ERGIC1: variants seen among roughly 807,000 people sequenced by gnomAD.
The protein encoded by ERGIC1 is endoplasmic reticulum-Golgi intermediate compartment protein 1.
Under a neutral mutation model 38.3 loss-of-function variants are expected in ERGIC1, and 19 were observed. The observed-to-expected ratio is 0.50, with a 90% confidence interval of 0.35 to 0.73. ERGIC1 has a LOEUF of 0.73. ERGIC1 is among the 30% of genes least tolerant of loss of function. The probability of loss-of-function intolerance (pLI) is 0.01; values close to 1 mark genes in which losing one functional copy is unlikely to be tolerated. For synonymous variants in ERGIC1, 124 were observed against 157.6 expected (o/e 0.79, Z 1.60); for missense variants, 294 against 389.2 (o/e 0.76, Z 2.06).
chr5:172,834,396 A>C lies in ERGIC1; in HGVS notation c.-18A>C, dbSNP rs2113491994. ...GGCCCGCCTGGCCTGCAGCGCTCCC[A>C]CCCCCGGCGGCGGCACGATGCCCTT... On this transcript the variant is annotated 5_prime_UTR_variant, in exon 1 of 10. Coordinates refer to ENST00000393784, the MANE Select transcript of ERGIC1 (RefSeq NM_001031711.3). The surrounding 1 kb of genome is among the most constrained non-coding windows in gnomAD (Gnocchi z 4.1). 1 of 1,319,986 alleles carries C rather than the reference A, an allele frequency of 7.6e-7. No individual in the cohort carries two copies. 81.8% of individuals were successfully genotyped at this position (1,319,986 alleles called of 1,614,324 possible).
At chr5:172,867,862 A>C (rs1240746253) in intron 1 of ERGIC1, among the ~76,000 whole-genome samples, 2 of 152,108 alleles carry the variant, frequency 1.3e-5, no homozygotes, top group African/African-American at 2.4e-5. Context: ...TTTTTTCTAC[A>C]TTTCAATTTG....
rs775710481 is a variant in ERGIC1, at chr5:172,950,703, T to C, written c.766-6T>C. 1 of 1,608,024 alleles carries C rather than the reference T, an allele frequency of 6.2e-7. No homozygotes were observed. The highest frequency in any genetic ancestry group is 1.1e-5 in the South Asian group (1 of 90,792). ...ACACTCCCACCCCACCCCTGCCCTC[T>C]TGCAGATCTGTGCCATCATTGGCGG... On this transcript the variant is annotated splice_region_variant and splice_polypyrimidine_tract_variant and intron_variant, in intron 9 of 9. Coordinates refer to ENST00000393784, the MANE Select transcript of ERGIC1 (RefSeq NM_001031711.3).
chr5:172,837,182 C>T lies in ERGIC1; in HGVS notation c.20+2749C>T, dbSNP rs1320325867. On this transcript the variant is annotated intron_variant, in intron 1 of 9. Transcript: ENST00000393784. This position sits in a 1 kb window ranked among gnomAD's most constrained non-coding sequence, Gnocchi z 4.3. The stretch of plus-strand genomic sequence containing the variant: ...AAGCAGGAAAAATAGTGCACTCTTG[C>T]CCTTCCCTACGGATACTTCTGATTT... Among the ~76,000 whole-genome samples, 2 of 152,152 alleles carry T rather than the reference C, an allele frequency of 1.3e-5. No homozygotes were observed. The highest frequency in any genetic ancestry group is 1.3e-4 in the Admixed American group (2 of 15,270).
chr5:172,913,226 C>G (rs1370733567), intron 4 of ERGIC1, among the ~76,000 whole-genome samples: 2 of 152,266 alleles, frequency 1.3e-5, no homozygotes, highest in Non-Finnish European at 2.9e-5. Flanking sequence ...ATTCTTTGTA[C>G]CTGCCGCACG....
intron 3 of ERGIC1, among the ~76,000 whole-genome samples, chr5:172,908,119 G>A (rs1472076295): frequency 6.6e-6 from 1 of 151,358 alleles, no homozygotes; most frequent in East Asian, 1.9e-4. Flanking sequence ...GTGTGTGGCC[G>A]TGTTACCTTG....
Position 172,834,468 on chromosome 5 carries a change from C to T in ERGIC1, c.20+35C>T, listed in dbSNP as rs765051701. ...GCGACCCCGGCCAGTCGGGAGTTCC[C>T]TCAGCGGGCAGAGGGAGCGCCCCGG... On this transcript the variant is annotated intron_variant, in intron 1 of 9. Coordinates refer to ENST00000393784, the MANE Select transcript of ERGIC1 (RefSeq NM_001031711.3). The surrounding 1 kb of genome is among the most constrained non-coding windows in gnomAD (Gnocchi z 4.1). 1 of 1,304,416 alleles carries T rather than the reference C, an allele frequency of 7.7e-7. No homozygotes were observed. Among genetic ancestry groups the T allele is most frequent in the Non-Finnish European group, 9.8e-7 (1 of 1,023,976 alleles). 80.8% of individuals were successfully genotyped at this position (1,304,416 alleles called of 1,614,324 possible).
intron 1 of ERGIC1, among the ~76,000 whole-genome samples, chr5:172,840,512 A>G (rs556127170): frequency 7.3e-4 from 111 of 152,274 alleles, no homozygotes; most frequent in African/African-American, 2.6e-3. Flanking sequence ...CACAGCCAAG[A>G]CGGAGGAGAA....
chr5:172,873,468 C>G (rs1385092620), intron 1 of ERGIC1, among the ~76,000 whole-genome samples: 4 of 152,244 alleles, frequency 2.6e-5, no homozygotes, highest in African/African-American at 9.6e-5. Context: ...CTCCAGGTGA[C>G]ACAGCACCAC....
intron 3 of ERGIC1, chr5:172,898,005 CCT>C (rs1281809244): frequency 7.3e-6 from 3 of 410,162 alleles, no homozygotes; most frequent in African/African-American, 6.2e-5. Flanking sequence ...ATCGGACGCC[CCT>C]CTGTGATGGA....
chr5:172,942,209 T>C (rs1057307926), intron 9 of ERGIC1, among the ~76,000 whole-genome samples: 2 of 151,376 alleles, frequency 1.3e-5, no homozygotes, highest in South Asian at 2.1e-4. Flanking sequence ...ATAATAATAA[T>C]AAAAAATAAA....
chr5:172,908,316 G>GCGC, intron 3 of ERGIC1, among the ~76,000 whole-genome samples: 2 of 9,288 alleles, frequency 2.2e-4, no homozygotes, highest in South Asian at 0.017. Flanking sequence ...CGGGGGGGGG[G>GCGC]GGAGAGAGGG....
At chr5:172,862,326 A>AAAG (rs1761725758) in intron 1 of ERGIC1, among the ~76,000 whole-genome samples, 1 of 151,000 alleles carries the variant, frequency 6.6e-6, no homozygotes, top group Non-Finnish European at 1.5e-5. Flanking sequence ...AAAAAAAAAA[A>AAAG]AAAAAAGATG....
At chr5:172,894,442 C>T (rs975229896) in intron 2 of ERGIC1, among the ~76,000 whole-genome samples, 1 of 151,962 alleles carries the variant, frequency 6.6e-6, no homozygotes, top group Non-Finnish European at 1.5e-5. Context: ...GATCCGCCCG[C>T]CTCGGCCTCC....
chr5:172,939,734 C>T (rs1273893495), intron 9 of ERGIC1, among the ~76,000 whole-genome samples: 1 of 152,260 alleles, frequency 6.6e-6, no homozygotes, highest in Non-Finnish European at 1.5e-5. Context: ...ACCTTGGTTG[C>T]CATGGTAACC....
At chr5:172,835,107 C>T (rs1320814449) in intron 1 of ERGIC1, among the ~76,000 whole-genome samples, 1 of 152,220 alleles carries the variant, frequency 6.6e-6, no homozygotes, top group Non-Finnish European at 1.5e-5. Flanking sequence ...TGGGGTCCAG[C>T]TGCCTCATGG....
intron 3 of ERGIC1, chr5:172,906,008 G>T (rs1581561167): frequency 2.2e-6 from 1 of 455,108 alleles, no homozygotes; most frequent in Non-Finnish European, 4.4e-6. Context: ...GTGTTTAAAG[G>T]TGGGAGTGGT....
intron 1 of ERGIC1, among the ~76,000 whole-genome samples, chr5:172,839,574 C>CACACAT: frequency 6.6e-6 from 1 of 152,018 alleles, no homozygotes; most frequent in Admixed American, 6.6e-5. Context: ...AAAACACACA[C>CACACAT]ACACATACAC....
At chr5:172,925,776 A>G (rs78718790) in intron 6 of ERGIC1, among the ~76,000 whole-genome samples, 1,826 of 152,272 alleles carry the variant, frequency 0.012, 21 homozygotes, top group Non-Finnish European at 0.019. Flanking sequence ...GTCTAGCTCG[A>G]TAACCCCTGT....
intron 2 of ERGIC1, among the ~76,000 whole-genome samples, chr5:172,894,681 C>T (rs962631195): frequency 6.6e-6 from 1 of 152,160 alleles, no homozygotes; most frequent in African/African-American, 2.4e-5. Flanking sequence ...TCTCCTGCCA[C>T]CACACAGTGA....
Sources: gnomAD v4.1 joint callset for allele counts (sites outside exome capture counted in the v4.1 genomes callset) on GRCh38, gnomAD v4.1.1 for gene constraint, Gnocchi (gnomAD v3.1) non-coding constraint, MANE v1.5 for transcripts, NCBI Gene and HGNC (gene_info 2026-07-23, HGNC 2026-07-21) for gene names.